Variants in MYOZ2 observed in about 807,000 individuals in gnomAD.
MYOZ2 encodes the protein myozenin 2.
In MYOZ2, 19 loss-of-function variants were observed where a neutral mutation model predicts 25.4. The ratio of observed to expected loss-of-function variants is 0.75; its 90% confidence interval spans 0.52 to 1.10. The LOEUF (loss-of-function observed/expected upper bound fraction) is 1.10, where lower values mean the gene tolerates loss of function less well. Ranked by LOEUF, MYOZ2 falls within the 50% of genes least tolerant of loss-of-function variation. The pLI, the probability that MYOZ2 is intolerant of heterozygous loss-of-function variation, is 0.00. For synonymous variants in MYOZ2, 92 were observed against 106.9 expected (o/e 0.86, Z 0.86); for missense variants, 270 against 317.9 (o/e 0.85, Z 1.15).
intron 2 of MYOZ2, among the ~76,000 whole-genome samples, chr4:119,144,783 T>C (rs1056486149): frequency 1.3e-5 from 2 of 152,242 alleles, no homozygotes; most frequent in African/African-American, 4.8e-5. Context: ...TGGCCCACAT[T>C]CTAATTGGAT....
intron 5 of MYOZ2, among the ~76,000 whole-genome samples, chr4:119,168,004 G>A (rs1388354200): frequency 2.6e-5 from 4 of 152,328 alleles, no homozygotes; most frequent in East Asian, 3.9e-4. Context: ...ACGGAGTCTC[G>A]CTCTGTCACC....
rs116750879 is a variant in MYOZ2, at chr4:119,148,245, A to C, written c.77-2627A>C. ...TAGTTATTTTCCCCTTATATAAGTA[A>C]GTTGTTTTCCTCTGGTGGCTTTCAA... On this transcript the variant is annotated intron_variant, in intron 2 of 5. Coordinates refer to ENST00000307128, the MANE Select transcript of MYOZ2 (RefSeq NM_016599.5). 4.4e-3 allele frequency among the ~76,000 whole-genome samples: 662 copies of C among 152,150 alleles called. 3 individuals carry two copies. The highest frequency in any genetic ancestry group is 0.015 in the African/African-American group (638 of 41,508).
intron 2 of MYOZ2, among the ~76,000 whole-genome samples, chr4:119,145,155 T>C (rs1468333225): frequency 2.6e-5 from 4 of 152,114 alleles, no homozygotes; most frequent in African/African-American, 9.7e-5. Context: ...GTGAATTACA[T>C]TGATTGATCT....
chr4:119,170,774 G>C lies in MYOZ2; in HGVS notation c.560+6380G>C, dbSNP rs149798604. Among the ~76,000 whole-genome samples the C allele has an allele frequency of 2.7e-3, 415 of 152,204 alleles. 2 individuals are homozygous for C. Among genetic ancestry groups the C allele is most frequent in the African/African-American group, 9.5e-3 (394 of 41,536 alleles). On this transcript the variant is annotated intron_variant, in intron 5 of 5. Transcript: ENST00000307128. ...GAGAAGCAATATTGAAAGAATTCAT[G>C]GCGTAAGATTTTTCAAAATTGACAA...
chr4:119,157,016 T>C, intron 3 of MYOZ2, among the ~76,000 whole-genome samples: 1 of 152,312 alleles, frequency 6.6e-6, no homozygotes. Flanking sequence ...TATTCTATCC[T>C]GAAATTGCTA....
chr4:119,170,653 A>G (rs1741928777), intron 5 of MYOZ2, among the ~76,000 whole-genome samples: 1 of 152,192 alleles, frequency 6.6e-6, no homozygotes, highest in Non-Finnish European at 1.5e-5. Flanking sequence ...AGAAAATAGG[A>G]TTTAAGATGC....
At chr4:119,170,221 C>T (rs1741919528) in intron 5 of MYOZ2, among the ~76,000 whole-genome samples, 1 of 151,954 alleles carries the variant, frequency 6.6e-6, no homozygotes, top group African/African-American at 2.4e-5. Context: ...ATTCTACTTT[C>T]TGTCTCTATG....
chr4:119,152,770 A>G (rs6841483), intron 3 of MYOZ2, among the ~76,000 whole-genome samples: 89,719 of 151,998 alleles, frequency 0.59, 28,788 homozygotes, highest in Non-Finnish European at 0.72. Context: ...CAATAATAAT[A>G]TATGCAATAA....
At chr4:119,155,866 T>A (rs1016754897) in intron 3 of MYOZ2, among the ~76,000 whole-genome samples, 32 of 152,114 alleles carry the variant, frequency 2.1e-4, no homozygotes, top group Middle Eastern at 6.8e-3. Flanking sequence ...GCATGAAGAC[T>A]AAAGTGAAAA....
rs536614678 is a variant in MYOZ2 at position 119,186,392 on chromosome 4, C to CATA, written c.*192_*193insATA. The CATA allele has an allele frequency of 1.5e-4, 89 of 579,130 alleles. No homozygotes were observed. Among genetic ancestry groups the CATA allele is most frequent in the Middle Eastern group, 4.5e-4 (1 of 2,236 alleles). 35.9% of individuals were successfully genotyped at this position (579,130 alleles called of 1,614,324 possible). A position where few individuals can be genotyped will look rare whatever the true frequency, so the allele number is the denominator to read the frequency against. ...CAATTAGAAATCTTACTTTAAAAAA[C>CATA]TTATAACTCACTTGTCTTCATTCAT... On this transcript the variant is annotated 3_prime_UTR_variant, in exon 6 of 6. Coordinates refer to ENST00000307128, the MANE Select transcript of MYOZ2 (RefSeq NM_016599.5).
chr4:119,157,650 T>C (rs1055053386), intron 3 of MYOZ2, among the ~76,000 whole-genome samples: 1 of 152,210 alleles, frequency 6.6e-6, no homozygotes, highest in Non-Finnish European at 1.5e-5. Context: ...GCCAGTATGC[T>C]CTACATTATT....
chr4:119,161,537 T>G (rs1271635765), intron 4 of MYOZ2, among the ~76,000 whole-genome samples: 2 of 152,066 alleles, frequency 1.3e-5, no homozygotes, highest in African/African-American at 4.8e-5. Context: ...AAACAAGAAA[T>G]GTAGACATAT....
rs545308677 is a variant in MYOZ2, at chr4:119,145,997, G to A, written c.77-4875G>A. 3.9e-5 allele frequency among the ~76,000 whole-genome samples: 6 copies of A among 152,214 alleles called. No individual in the cohort carries two copies. In the South Asian group the frequency reaches 1.2e-3, roughly 32 times the overall value. ...TTTTTCTAAGTGCTCAAGTTTATGT[G>A]AATTTATATGTAGAATTGTTTGTAG... On this transcript the variant is annotated intron_variant, in intron 2 of 5. Transcript: ENST00000307128.
chr4:119,151,138 T>C, intron 3 of MYOZ2, 97 bp downstream of exon 3: 1 of 1,274,958 alleles, frequency 7.8e-7, no homozygotes, highest in Non-Finnish European at 1.1e-6. Context: ...CTATATATTT[T>C]CTTTCAATTT....
chr4:119,180,170 C>T (rs1157513007), intron 5 of MYOZ2, among the ~76,000 whole-genome samples: 3 of 152,150 alleles, frequency 2.0e-5, no homozygotes, highest in East Asian at 1.9e-4. Flanking sequence ...ACTCCTGAAT[C>T]GCATCTCTTA....
intron 3 of MYOZ2, among the ~76,000 whole-genome samples, chr4:119,155,855 A>T (rs7668987): frequency 1.8e-4 from 28 of 152,006 alleles, no homozygotes; most frequent in Non-Finnish European, 2.4e-4. Flanking sequence ...GGATAACAGG[A>T]GCATGAAGAC....
intron 2 of MYOZ2, among the ~76,000 whole-genome samples, chr4:119,141,128 C>T (rs1741150887): frequency 1.3e-5 from 2 of 152,290 alleles, no homozygotes; most frequent in South Asian, 2.1e-4. Flanking sequence ...TGTCCAGGGA[C>T]AGGAGGAAGA....
At position 119,185,966 on chromosome 4, in the gene MYOZ2, G is replaced by A; in HGVS notation, c.561G>A (p.Arg187=). The A allele has an allele frequency of 6.2e-7, 1 of 1,611,138 alleles. No individual in the cohort carries two copies. Among genetic ancestry groups the A allele is most frequent in the Non-Finnish European group, 8.5e-7 (1 of 1,178,320 alleles). Residue 187 remains arginine (R), a splice_region_variant and synonymous_variant, in exon 6 of 6, where the codon AGG becomes AGA. Transcript: ENST00000307128. ...CTGTTTTTTTTTTAATTTCCCACAG[G>A]GTTGCCACACCATTTGGAGGTTTTG... The part of the protein sequence containing the change: ...AELPDYRSFN[R]VATPFGGFEK...
At chr4:119,164,445 T>C in intron 5 of MYOZ2, 51 bp downstream of exon 5, 1 of 1,582,284 alleles carries the variant, frequency 6.3e-7, no homozygotes, top group East Asian at 2.2e-5. Context: ...CCAAAATTTT[T>C]TCATCATGGT....
Sources: gnomAD v4.1 joint callset for allele counts (sites outside exome capture counted in the v4.1 genomes callset) on GRCh38, gnomAD v4.1.1 for gene constraint, MANE v1.5 for transcripts, NCBI Gene and HGNC (gene_info 2026-07-23, HGNC 2026-07-21) for gene names.